Variants in ANO10 observed in about 807,000 individuals in gnomAD.
ANO10 encodes anoctamin 10.
A neutral mutation model predicts 74.7 loss-of-function variants in ANO10; 77 were observed. That is an observed-to-expected ratio of 1.03 (90% CI 0.86 to 1.25). The LOEUF is 1.25. Among genes scored for constraint, ANO10 ranks in the 50% most tolerant of loss-of-function variants. The pLI is 0.00. For synonymous variants in ANO10, 279 were observed against 284.9 expected (o/e 0.98, Z 0.21); for missense variants, 721 against 778.1 (o/e 0.93, Z 0.87).
intron 12 of ANO10, among the ~76,000 whole-genome samples, chr3:43,417,450 C>T (rs1020035186): frequency 6.6e-6 from 1 of 152,136 alleles, no homozygotes; most frequent in African/African-American, 2.4e-5. Flanking sequence ...CTCCTCAAGC[C>T]GGACTACAAA....
intron 1 of ANO10, among the ~76,000 whole-genome samples, chr3:43,643,776 T>C (rs372216663): frequency 6.7e-6 from 1 of 150,222 alleles, no homozygotes; most frequent in Non-Finnish European, 1.5e-5. Flanking sequence ...CTCTGCCTCC[T>C]GGGTTCACAC....
chr3:43,590,641 G>A (rs2081692992), intron 4 of ANO10, among the ~76,000 whole-genome samples: 1 of 152,112 alleles, frequency 6.6e-6, no homozygotes, highest in Non-Finnish European at 1.5e-5. Flanking sequence ...GATGCCATGA[G>A]GGAAAAAATG....
upstream of ANO10, among the ~76,000 whole-genome samples, chr3:43,625,113 CTG>C (rs1414220748): frequency 2.6e-5 from 4 of 152,208 alleles, no homozygotes; most frequent in African/African-American, 9.6e-5. Context: ...TCTCAGGTGA[CTG>C]TGTCACCATA....
chr3:43,542,405 C>G (rs2078997648), intron 11 of ANO10, among the ~76,000 whole-genome samples: 1 of 152,104 alleles, frequency 6.6e-6, no homozygotes, highest in African/African-American at 2.4e-5. Context: ...AACATGTAAG[C>G]AGCAAACTGT....
In ANO10 at chr3:43,366,908, A is replaced by G. The variant is rs1186161794; in HGVS notation, c.1981T>C (p.Ter661ArgextTer40). ...GGGCAGCTGGGCACGCTGGGCACTC[A>G]GGTTGCCTTCTCCTTCCCGCTTTCC... ...PMESGKEKAT[*>R] The change falls in exon 13 of 13, where the codon TGA becomes CGA. Residue 661 changes from the stop codon to arginine, a stop_lost. Transcript: ENST00000292246. 6.3e-7 allele frequency: 1 copy of G among 1,588,554 alleles called. No individual in the cohort carries two copies. Among genetic ancestry groups the G allele is most frequent in the Admixed American group, 1.8e-5 (1 of 56,228 alleles).
intron 5 of ANO10, 105 bp from the exon 6 acceptor site, chr3:43,577,366 C>A: frequency 9.1e-7 from 1 of 1,096,542 alleles, no homozygotes. Context: ...GATCATTCAA[C>A]CCTCACTTCC....
At chr3:43,657,642 G>A (rs1048942719) in intron 1 of ANO10, among the ~76,000 whole-genome samples, 2 of 152,146 alleles carry the variant, frequency 1.3e-5, no homozygotes, top group Admixed American at 6.5e-5. Context: ...TCTGACTGGC[G>A]GCATCTGCCC....
intron 11 of ANO10, among the ~76,000 whole-genome samples, chr3:43,545,361 T>G (rs975879612): frequency 6.6e-5 from 10 of 151,022 alleles, no homozygotes; most frequent in African/African-American, 1.2e-4. Context: ...CCAATGATGG[T>G]TTTTTTTTGT....
intron 12 of ANO10, among the ~76,000 whole-genome samples, chr3:43,405,396 C>T (rs760154237): frequency 3.9e-5 from 6 of 152,188 alleles, no homozygotes; most frequent in Non-Finnish European, 8.8e-5. Context: ...GTCCCACTGA[C>T]CATCCATGAA....
At chr3:43,500,942 T>C (rs964164492) in intron 11 of ANO10, among the ~76,000 whole-genome samples, 1 of 152,114 alleles carries the variant, frequency 6.6e-6, no homozygotes, top group Non-Finnish European at 1.5e-5. Context: ...AACACAGGTA[T>C]GTAAGAGGGC....
intron 12 of ANO10, among the ~76,000 whole-genome samples, chr3:43,427,096 T>C (rs1018415770): frequency 2.5e-4 from 38 of 152,230 alleles, no homozygotes; most frequent in African/African-American, 9.1e-4. Flanking sequence ...GGAGATTTCT[T>C]GGGCCTTCCC....
intron 4 of ANO10, among the ~76,000 whole-genome samples, chr3:43,593,930 T>C (rs192275573): frequency 1.3e-5 from 2 of 151,694 alleles, no homozygotes; most frequent in Non-Finnish European, 2.9e-5. Flanking sequence ...ACCAAGCAAA[T>C]GGAAAACAAA....
At chr3:43,538,565 G>C (rs1034065670) in intron 11 of ANO10, among the ~76,000 whole-genome samples, 1 of 152,188 alleles carries the variant, frequency 6.6e-6, no homozygotes, top group Non-Finnish European at 1.5e-5. Flanking sequence ...GAAAAAAACT[G>C]TAACGATGGC....
intron 12 of ANO10, among the ~76,000 whole-genome samples, chr3:43,381,772 C>G (rs1345860777): frequency 6.6e-6 from 1 of 152,174 alleles, no homozygotes; most frequent in Non-Finnish European, 1.5e-5. Flanking sequence ...ATACATTCTA[C>G]TCATAAGCAC....
At chr3:43,611,931 C>T (rs1470896764) in intron 1 of ANO10, among the ~76,000 whole-genome samples, 2 of 151,736 alleles carry the variant, frequency 1.3e-5, no homozygotes, top group Non-Finnish European at 2.9e-5. Context: ...ATATTAATAA[C>T]ACTTTTAGAT....
At chr3:43,393,607 T>G (rs1341507344) in intron 12 of ANO10, among the ~76,000 whole-genome samples, 1 of 152,070 alleles carries the variant, frequency 6.6e-6, no homozygotes, top group Admixed American at 6.5e-5. Context: ...TGGCCAACTC[T>G]CCATAGCCCT....
At chr3:43,416,019 T>TAAAAAAAA (rs71616093) in intron 12 of ANO10, among the ~76,000 whole-genome samples, 1 of 142,946 alleles carries the variant, frequency 7.0e-6, no homozygotes. Flanking sequence ...TCCAAGAAGT[T>TAAAAAAAA]AAAAAAAAAA....
intron 12 of ANO10, among the ~76,000 whole-genome samples, 198 bp downstream of exon 12, chr3:43,432,413 A>G: frequency 6.6e-6 from 1 of 151,978 alleles, no homozygotes; most frequent in East Asian, 1.9e-4. Flanking sequence ...TTGTTTCTTT[A>G]GTTTAGTTAT....
chr3:43,405,775 GT>G (rs34844572), intron 12 of ANO10, among the ~76,000 whole-genome samples: 2,412 of 152,238 alleles, frequency 0.016, 143 homozygotes, highest in Admixed American at 0.11. Context: ...CACCCAGCCT[GT>G]AGTTTTTTTC....
Sources: gnomAD v4.1 joint callset for allele counts (sites outside exome capture counted in the v4.1 genomes callset) on GRCh38, gnomAD v4.1.1 for gene constraint, MANE v1.5 for transcripts, NCBI Gene and HGNC (gene_info 2026-07-23, HGNC 2026-07-21) for gene names.